The following ZNF618 variants were observed in gnomAD, a reference collection of about 807,000 sequenced individuals.
ZNF618 encodes the protein zinc finger protein 618.
Under a neutral mutation model 103.0 loss-of-function variants are expected in ZNF618, and 34 were observed. That is an observed-to-expected ratio of 0.33 (90% CI 0.25 to 0.44). The LOEUF (loss-of-function observed/expected upper bound fraction) is 0.44, where lower values mean the gene tolerates loss of function less well. Among genes scored for constraint, ZNF618 ranks in the 20% least tolerant of loss-of-function variants. The pLI is 1.00. For missense variants in ZNF618, 1,059 were observed against 1,295.4 expected (o/e 0.82, Z 2.80); for synonymous variants, 551 against 542.2 (o/e 1.02, Z -0.23).
intron 2 of ZNF618, among the ~76,000 whole-genome samples, chr9:113,973,585 T>G (rs931580033): frequency 6.6e-6 from 1 of 152,146 alleles, no homozygotes; most frequent in Admixed American, 6.5e-5. Context: ...ATCCCAGCAC[T>G]TGAGGTTAAT....
chr9:113,893,738 T>C (rs1829806392), intron 1 of ZNF618, among the ~76,000 whole-genome samples: 1 of 152,190 alleles, frequency 6.6e-6, no homozygotes, highest in South Asian at 2.1e-4. Context: ...TATAAAATTA[T>C]ACTGTAATGA....
chr9:113,963,669 T>C (rs1381734272), intron 1 of ZNF618, among the ~76,000 whole-genome samples: 1 of 152,262 alleles, frequency 6.6e-6, no homozygotes, highest in African/African-American at 2.4e-5. Context: ...TCAATTGATA[T>C]ATTTCATTCA....
In ZNF618 at chr9:113,993,339, C is replaced by T. The variant is rs529270070; in HGVS notation, c.337+4759C>T. Among the ~76,000 whole-genome samples, 15 of 152,282 alleles carry T rather than the reference C, an allele frequency of 9.9e-5. No homozygotes were observed. The East Asian group carries it at 2.9e-3, about 29-fold the overall frequency. ...TTACTGTACATTGTCCAATGATGCA[C>T]CTCAGAATCCTTCTCAACACAGTAT... is the stretch of plus-strand genomic sequence containing the variant. On this transcript the variant is annotated intron_variant, in intron 3 of 14. Coordinates refer to ENST00000374126, the MANE Select transcript of ZNF618 (RefSeq NM_001318042.2).
At chr9:113,995,211 A>G (rs1475213665) in intron 3 of ZNF618, among the ~76,000 whole-genome samples, 1 of 152,110 alleles carries the variant, frequency 6.6e-6, no homozygotes. Context: ...CATCACCATA[A>G]CAAGATGTAC....
At chr9:113,944,923 T>C (rs1834873130) in intron 1 of ZNF618, among the ~76,000 whole-genome samples, 1 of 152,198 alleles carries the variant, frequency 6.6e-6, no homozygotes, top group Non-Finnish European at 1.5e-5. Flanking sequence ...TGTTGGACAG[T>C]GTGGCTGTAA....
At chr9:113,907,317 C>T (rs1186276757) in intron 1 of ZNF618, among the ~76,000 whole-genome samples, 1 of 152,224 alleles carries the variant, frequency 6.6e-6, no homozygotes, top group Non-Finnish European at 1.5e-5. Context: ...ACTGTATCCC[C>T]TTTGGCCTCT....
chr9:113,970,045 GA>G (rs34063039), intron 2 of ZNF618, among the ~76,000 whole-genome samples: 3 of 151,862 alleles, frequency 2.0e-5, no homozygotes, highest in Non-Finnish European at 4.4e-5. Context: ...TTTGTGTGAG[GA>G]AAAAAAGGTT....
At chr9:113,879,486 A>G (rs1828305684) in intron 1 of ZNF618, among the ~76,000 whole-genome samples, 1 of 144,820 alleles carries the variant, frequency 6.9e-6, no homozygotes, top group South Asian at 2.2e-4. Context: ...GGGCGGGGCC[A>G]GTTTTCTTTT....
chr9:114,033,951 C>T (rs1168348115), intron 12 of ZNF618, among the ~76,000 whole-genome samples: 1 of 152,192 alleles, frequency 6.6e-6, no homozygotes, highest in Non-Finnish European at 1.5e-5. Context: ...TGCCTAGTAA[C>T]AGGAGCTCCA....
Position 114,049,824 on chromosome 9 carries a change from C to T in ZNF618, c.2522C>T (p.Ala841Val). 6.2e-7 allele frequency: 1 copy of T among 1,613,978 alleles called. No individual in the cohort carries two copies. ...ATCAACGAGGTGAAGGAGTCCTGGG[C>T]CGAGGAGGCCGACTTCGAGCCCGCT... Reference protein sequence around the residue: ...ELINEVKESWAEEADFEPAAK... With the variant: ...ELINEVKESWVEEADFEPAAK... Residue 841 changes from alanine (A) to valine (V), a missense_variant, in exon 15 of 15, where the codon GCC becomes GTC. Ala to Val is a moderately conservative substitution (Grantham distance 64). Coordinates refer to ENST00000374126, the MANE Select transcript of ZNF618 (RefSeq NM_001318042.2).
intron 3 of ZNF618, among the ~76,000 whole-genome samples, chr9:113,991,298 G>A (rs529389842): frequency 8.9e-4 from 135 of 152,292 alleles, no homozygotes; most frequent in Non-Finnish European, 1.2e-3. Context: ...CCCCTGTCCC[G>A]GCCACCTCAT....
chr9:113,881,128 T>C lies in ZNF618; in HGVS notation c.33+4715T>C, dbSNP rs530909398. The stretch of plus-strand genomic sequence containing the variant: ...CAAGGTCTTCTTGCTGGAGAGGAGA[T>C]CTAAAGTGTGTGGAGTCCTTGTCTT... On this transcript the variant is annotated intron_variant, in intron 1 of 14. Transcript: ENST00000374126. 2.6e-5 allele frequency among the ~76,000 whole-genome samples: 4 copies of C among 152,342 alleles called. No homozygotes were observed. The East Asian group carries it at 7.7e-4, about 29-fold the overall frequency.
chr9:113,951,998 G>A (rs1241571828), intron 1 of ZNF618, among the ~76,000 whole-genome samples: 1 of 152,142 alleles, frequency 6.6e-6, no homozygotes, highest in Non-Finnish European at 1.5e-5. Flanking sequence ...CTCCATATGG[G>A]CCATTTGGTG....
At chr9:114,024,912 G>A (rs1214861366) in intron 10 of ZNF618, among the ~76,000 whole-genome samples, 3 of 152,094 alleles carry the variant, frequency 2.0e-5, no homozygotes, top group Non-Finnish European at 4.4e-5. Flanking sequence ...CACCTCAAAA[G>A]CCCTGAACTC....
chr9:113,919,010 A>G (rs1470062329), intron 1 of ZNF618, among the ~76,000 whole-genome samples: 4 of 152,134 alleles, frequency 2.6e-5, no homozygotes, highest in Non-Finnish European at 5.9e-5. Flanking sequence ...AGCCTCCCCT[A>G]GTTAGTCTGA....
chr9:114,025,085 G>T (rs2134100207), intron 10 of ZNF618, among the ~76,000 whole-genome samples: 1 of 152,278 alleles, frequency 6.6e-6, no homozygotes, highest in South Asian at 2.1e-4. Context: ...CTTTATAGTT[G>T]AATATGGCAG....
chr9:114,003,218 G>T (rs1486975400), intron 6 of ZNF618, among the ~76,000 whole-genome samples: 1 of 152,240 alleles, frequency 6.6e-6, no homozygotes, highest in Non-Finnish European at 1.5e-5. Context: ...CTTGACATCT[G>T]CGACAGCACT....
chr9:113,935,312 A>AG (rs1047202554), intron 1 of ZNF618, among the ~76,000 whole-genome samples: 8 of 152,240 alleles, frequency 5.3e-5, no homozygotes, highest in African/African-American at 1.9e-4. Context: ...GTTCACTAAG[A>AG]GGAGCATCTC....
intron 3 of ZNF618, among the ~76,000 whole-genome samples, chr9:113,994,642 G>A (rs1162232096): frequency 6.6e-6 from 1 of 152,184 alleles, no homozygotes; most frequent in Non-Finnish European, 1.5e-5. Context: ...TAGAATTGTT[G>A]GGGGCAGAGT....
Sources: gnomAD v4.1 joint callset for allele counts (sites outside exome capture counted in the v4.1 genomes callset) on GRCh38, gnomAD v4.1.1 for gene constraint, MANE v1.5 for transcripts, NCBI Gene and HGNC (gene_info 2026-07-23, HGNC 2026-07-21) for gene names.